Variants in NMNAT2 observed in about 807,000 individuals in gnomAD.
NMNAT2 encodes the protein nicotinamide nucleotide adenylyltransferase 2.
Under a neutral mutation model 41.6 loss-of-function variants are expected in NMNAT2, and 11 were observed. The ratio of observed to expected loss-of-function variants is 0.26; its 90% CI spans 0.17 to 0.44. NMNAT2 has a LOEUF of 0.44. NMNAT2 is among the 20% of genes least tolerant of loss of function. The pLI is 1.00. For missense variants in NMNAT2, 288 were observed against 407.7 expected (o/e 0.71, Z 2.53); for synonymous variants, 148 against 151.2 (o/e 0.98, Z 0.16).
intron 1 of NMNAT2, among the ~76,000 whole-genome samples, chr1:183,353,525 G>A (rs1015095238): frequency 1.3e-5 from 2 of 152,150 alleles, no homozygotes; most frequent in Non-Finnish European, 2.9e-5. Flanking sequence ...GGATCATGCA[G>A]CAGACCAGGG....
At chr1:183,271,095 A>G (rs1660975693) in intron 8 of NMNAT2, among the ~76,000 whole-genome samples, 1 of 152,158 alleles carries the variant, frequency 6.6e-6, no homozygotes, top group Admixed American at 6.5e-5. Flanking sequence ...AAAAGATAAA[A>G]CAATTCCCTC....
chr1:183,341,166 G>A (rs1662792080), intron 1 of NMNAT2, among the ~76,000 whole-genome samples: 1 of 152,126 alleles, frequency 6.6e-6, no homozygotes, highest in Admixed American at 6.5e-5. Flanking sequence ...TTTCATCTGC[G>A]GCAGTTTGCT....
intron 10 of NMNAT2, among the ~76,000 whole-genome samples, chr1:183,259,557 T>C (rs1660603947): frequency 6.6e-6 from 1 of 152,276 alleles, no homozygotes; most frequent in Non-Finnish European, 1.5e-5. Flanking sequence ...TTCCCCATAG[T>C]CTTCTCTTCT....
rs1226032069 is a variant in NMNAT2, at chr1:183,290,191, C to T, written c.258G>A (p.Glu86=). The change falls in exon 4 of 11, where the codon GAG becomes GAA. Residue 86 remains glutamate, a synonymous_variant. Coordinates refer to ENST00000287713, the MANE Select transcript of NMNAT2 (RefSeq NM_015039.4). The stretch of plus-strand genomic sequence containing the variant: ...TCGTCTGCCAGGTGTCCTGGTAGCA[C>T]TCCCAAGGGTCCACCCTAACATCAT... The part of the protein sequence containing the change: ...NSDWIRVDPW[E]CYQDTWQTTC... The T allele has an allele frequency of 1.3e-6, 2 of 1,584,630 alleles. No homozygotes were observed. The highest frequency in any genetic ancestry group is 1.2e-5 in the South Asian group (1 of 86,670).
At chr1:183,367,372 C>T (rs924663541) in intron 1 of NMNAT2, among the ~76,000 whole-genome samples, 7 of 152,142 alleles carry the variant, frequency 4.6e-5, no homozygotes, top group African/African-American at 1.4e-4. Context: ...GCAGGAGAAT[C>T]GCTTGAACCC....
At chr1:183,310,964 C>T (rs761796071) in intron 1 of NMNAT2, among the ~76,000 whole-genome samples, 3 of 152,216 alleles carry the variant, frequency 2.0e-5, no homozygotes, top group Non-Finnish European at 2.9e-5. Context: ...ACAAATCTCC[C>T]ACATGACAAA....
At chr1:183,317,768 A>T (rs1289961953) in intron 1 of NMNAT2, among the ~76,000 whole-genome samples, 2 of 152,144 alleles carry the variant, frequency 1.3e-5, no homozygotes, top group Admixed American at 6.5e-5. Flanking sequence ...ATGAACCCCC[A>T]CCCAAGTCTA....
intron 10 of NMNAT2, among the ~76,000 whole-genome samples, chr1:183,253,947 G>GTA (rs1405873909): frequency 3.7e-4 from 55 of 148,866 alleles, no homozygotes; most frequent in African/African-American, 1.2e-3. Context: ...GTGTGTGTAT[G>GTA]TGTGTGTGTA....
At chr1:183,403,209 C>T (rs1273567304) in intron 1 of NMNAT2, among the ~76,000 whole-genome samples, 1 of 152,164 alleles carries the variant, frequency 6.6e-6, no homozygotes, top group Non-Finnish European at 1.5e-5. Flanking sequence ...GCTAGGATTA[C>T]AGGCATGAGC....
At chr1:183,418,116 GA>G in intron 1 of NMNAT2, 66 bp downstream of exon 1, 1 of 1,473,246 alleles carries the variant, frequency 6.8e-7, no homozygotes, top group Admixed American at 1.7e-5. Context: ...GATCGCCCTG[GA>G]AAACACAGGT....
chr1:183,405,435 A>G (rs1026662438), intron 1 of NMNAT2, among the ~76,000 whole-genome samples: 1 of 152,228 alleles, frequency 6.6e-6, no homozygotes, highest in Non-Finnish European at 1.5e-5. Context: ...TTTTCATAAG[A>G]AAAATGGCTT....
At chr1:183,357,569 A>C (rs544262903) in intron 1 of NMNAT2, among the ~76,000 whole-genome samples, 1 of 152,144 alleles carries the variant, frequency 6.6e-6, no homozygotes, top group African/African-American at 2.4e-5. Context: ...TCTTTGAGGA[A>C]TCGCCCCACA....
intron 1 of NMNAT2, among the ~76,000 whole-genome samples, chr1:183,375,910 A>G (rs1016875906): frequency 3.9e-5 from 6 of 152,060 alleles, no homozygotes; most frequent in African/African-American, 1.2e-4. Context: ...TGTGTAGATA[A>G]TTATAAACCA....
At chr1:183,253,470 A>T (rs1660443701) in intron 10 of NMNAT2, among the ~76,000 whole-genome samples, 1 of 152,002 alleles carries the variant, frequency 6.6e-6, no homozygotes, top group Non-Finnish European at 1.5e-5. Flanking sequence ...TTTAGCAAAA[A>T]CCCTAAATAT....
rs1050029889 is a variant in NMNAT2 at position 183,326,671 on chromosome 1, G to T, written c.86-32878C>A. ...CTAAGGGAAAAAGAAGTCATTGGGG[G>T]ATTTAAGAAAGAGAGTGACATGATC... On this transcript the variant is annotated intron_variant, in intron 1 of 10. Transcript: ENST00000287713. 3.3e-5 allele frequency among the ~76,000 whole-genome samples: 5 copies of T among 152,242 alleles called. 1 individual carries two copies. In the South Asian group the frequency reaches 1.0e-3, roughly 32 times the overall value.
In NMNAT2 at chr1:183,401,563, G is replaced by A. The variant is rs533783931; in HGVS notation, c.85+16620C>T. Among the ~76,000 whole-genome samples the A allele has an allele frequency of 9.2e-5, 14 of 152,280 alleles. No individual in the cohort carries two copies. In the South Asian group the frequency reaches 2.9e-3, roughly 32 times the overall value. ...CATTTGACCCAGCCATCCCATTACT[G>A]GGTGTATACCCAAAGGAATATAAAT... is the stretch of plus-strand genomic sequence containing the variant. On this transcript the variant is annotated intron_variant, in intron 1 of 10. Transcript: ENST00000287713.
chr1:183,297,531 T>G (rs2102313427), intron 1 of NMNAT2, among the ~76,000 whole-genome samples: 1 of 152,162 alleles, frequency 6.6e-6, no homozygotes, highest in South Asian at 2.1e-4. Flanking sequence ...TACAGGGATG[T>G]GCCACCATCC....
At chr1:183,295,307 T>C (rs1164697404) in intron 1 of NMNAT2, among the ~76,000 whole-genome samples, 1 of 152,146 alleles carries the variant, frequency 6.6e-6, no homozygotes, top group Non-Finnish European at 1.5e-5. Flanking sequence ...TGGCTGCTTC[T>C]TTTTCTTTCA....
At chr1:183,363,523 A>G (rs980500032) in intron 1 of NMNAT2, among the ~76,000 whole-genome samples, 1 of 151,888 alleles carries the variant, frequency 6.6e-6, no homozygotes, top group Non-Finnish European at 1.5e-5. Flanking sequence ...AGGGCCCCCA[A>G]TTGGAAGAGG....
Sources: gnomAD v4.1 joint callset for allele counts (sites outside exome capture counted in the v4.1 genomes callset) on GRCh38, gnomAD v4.1.1 for gene constraint, MANE v1.5 for transcripts, NCBI Gene and HGNC (gene_info 2026-07-23, HGNC 2026-07-21) for gene names.